The following LPCAT4 variants were observed in gnomAD, a reference collection of about 807,000 sequenced individuals.
The protein encoded by LPCAT4 is lysophospholipid acyltransferase LPCAT4.
A neutral mutation model predicts 66.5 loss-of-function variants in LPCAT4; 30 were observed. The observed-to-expected ratio is 0.45, with a 90% CI of 0.34 to 0.61. LPCAT4 has a LOEUF of 0.61. Ranked by LOEUF, LPCAT4 falls within the 20% of genes least tolerant of loss-of-function variation. LPCAT4 has a pLI of 0.01. For synonymous variants in LPCAT4, 253 were observed against 262.1 expected (o/e 0.97, Z 0.34); for missense variants, 557 against 656.7 (o/e 0.85, Z 1.66).
chr15:34,366,902 C>G lies in LPCAT4; in HGVS notation c.114+85G>C, dbSNP rs538597344. The G allele has an allele frequency of 5.3e-6, 8 of 1,518,796 alleles. No individual in the cohort carries two copies. In the African/African-American group the frequency reaches 6.9e-5, roughly 13 times the overall value. 94.1% of individuals were successfully genotyped at this position (1,518,796 alleles called of 1,614,324 possible). On this transcript the variant is annotated intron_variant, in intron 1 of 13. Coordinates refer to ENST00000314891, the MANE Select transcript of LPCAT4 (RefSeq NM_153613.3). ...TCTCAGCCATCTCCTTCTCGTGGAT[C>G]CCCAAGCCCACCTTTGCCAGGGCTC...
chr15:34,365,167 G>A lies in LPCAT4; in HGVS notation c.319C>T (p.Leu107Phe), dbSNP rs1181059289. The part of the protein sequence containing the change: ...SRLLFFLLGF[L>F]RIRVRGQRAS... ...CGCTGGCCACGAACGCGAATCCGGA[G>A]GAAGCCCAGCAGGAAAAACAGCAGG... is the stretch of plus-strand genomic sequence containing the variant. The change falls in exon 3 of 14, where the codon CTC (leucine) becomes TTC (phenylalanine). Residue 107 changes from leucine to phenylalanine, a missense_variant. Transcript: ENST00000314891. 6.2e-7 allele frequency: 1 copy of A among 1,614,154 alleles called. No homozygotes were observed. Among genetic ancestry groups the A allele is most frequent in the Non-Finnish European group, 8.5e-7 (1 of 1,179,996 alleles).
rs150351354 is a variant in LPCAT4, at chr15:34,361,026, C to T, written c.1143+374G>A. On this transcript the variant is annotated intron_variant, in intron 11 of 13. Transcript: ENST00000314891. ...TCAAGCTCTCAACCATCTAACTGTC[C>T]GGTGTTGTTTCTTCTACATGTCATC... is the stretch of plus-strand genomic sequence containing the variant. 3.3e-3 allele frequency: 764 copies of T among 231,402 alleles called. 6 individuals are homozygous for T. The highest frequency in any genetic ancestry group is 0.016 in the African/African-American group (714 of 43,422). The allele number at this position is 231,402 out of a possible 1,614,324, so 14.3% of individuals were successfully genotyped here. A position where few individuals can be genotyped will look rare whatever the true frequency, so the allele number is the denominator to read the frequency against.
At chr15:34,359,893 T>A in intron 12 of LPCAT4, 148 bp from the exon 13 acceptor site, 1 of 868,082 alleles carries the variant, frequency 1.2e-6, no homozygotes, top group Non-Finnish European at 1.8e-6. Context: ...TGCAGAACTG[T>A]AGACTTTATA....
intron 1 of LPCAT4, 69 bp downstream of exon 1, chr15:34,366,918 G>T: frequency 6.5e-7 from 1 of 1,528,260 alleles, no homozygotes; most frequent in Non-Finnish European, 8.8e-7. Flanking sequence ...GCCCACCTTT[G>T]CCAGGGCTCA....
In LPCAT4 at chr15:34,363,205, G is replaced by C. The variant is rs1053132498; in HGVS notation, c.746+217C>G. Among the ~76,000 whole-genome samples the C allele has an allele frequency of 3.3e-5, 5 of 152,316 alleles. No homozygotes were observed. Among genetic ancestry groups the C allele is most frequent in the African/African-American group, 1.2e-4 (5 of 41,568 alleles). On this transcript the variant is annotated intron_variant, in intron 7 of 13. Transcript: ENST00000314891. This position sits in a 1 kb window ranked among gnomAD's most constrained non-coding sequence, Gnocchi z 4.3. The stretch of plus-strand genomic sequence containing the variant: ...AACATGGGAAGATAAATGCATAGCA[G>C]CCATAATCACAGCAGGAACAGTTTA...
At chr15:34,359,464 T>A in intron 13 of LPCAT4, 125 bp downstream of exon 13, 1 of 1,371,710 alleles carries the variant, frequency 7.3e-7, no homozygotes, top group East Asian at 2.4e-5. Flanking sequence ...CCTCCCAGCC[T>A]TACTTCTCAT....
intron 3 of LPCAT4, 23 bp from the exon 4 acceptor site, chr15:34,364,329 G>C: frequency 6.6e-7 from 1 of 1,505,498 alleles, no homozygotes; most frequent in Non-Finnish European, 9.2e-7. Context: ...AGGATACAAA[G>C]AGGAATCACT....
Position 34,360,215 on chromosome 15 carries a change from G to A in LPCAT4, c.1144-6C>T, listed in dbSNP as rs1371434861. On this transcript the variant is annotated splice_region_variant and splice_polypyrimidine_tract_variant and intron_variant, in intron 11 of 13. Transcript: ENST00000314891. The stretch of plus-strand genomic sequence containing the variant: ...TCCACCAAACCCTTGGTATCCTGGT[G>A]TGAAAAAGAAACCAGGGCAATGCGG... 5.6e-6 allele frequency: 9 copies of A among 1,612,964 alleles called. No individual in the cohort carries two copies. Among genetic ancestry groups the A allele is most frequent in the Admixed American group, 1.7e-5 (1 of 60,006 alleles).
Position 34,362,307 on chromosome 15 carries a change from G to A in LPCAT4, c.899C>T (p.Pro300Leu). ...CCCTACAAACTCACATTCGGTGGCT[G>A]GAATGCCCAGAGCCCTACAGGATGA... is the stretch of plus-strand genomic sequence containing the variant. ...QRVMAQALGI[P>L]ATECEFVGSL... The change falls in exon 10 of 14, where the codon CCA (proline) becomes CTA (leucine). Residue 300 changes from proline (P) to leucine (L), a missense_variant. By Grantham distance (98) the Pro-to-Leu change is moderately conservative. Around this residue, in one of 4 missense-constraint regions of LPCAT4, gnomAD observed 392 missense variants for 473.9 expected, o/e 0.83. Transcript: ENST00000314891. 6.2e-7 allele frequency: 1 copy of A among 1,614,114 alleles called. No individual in the cohort carries two copies. Among genetic ancestry groups the A allele is most frequent in the Non-Finnish European group, 8.5e-7 (1 of 1,180,020 alleles).
Position 34,365,542 on chromosome 15 carries a change from G to A in LPCAT4, c.257+17C>T, listed in dbSNP as rs1891056313. 2.5e-6 allele frequency: 4 copies of A among 1,614,124 alleles called. No homozygotes were observed. The highest frequency in any genetic ancestry group is 1.1e-5 in the South Asian group (1 of 91,072). On this transcript the variant is annotated intron_variant, in intron 2 of 13. Transcript: ENST00000314891. The stretch of plus-strand genomic sequence containing the variant: ...GGGAAGAGAAGTAGGGTCTCTGGGG[G>A]CTGATCCCTCACTTACTTCCTCCAT...
At position 34,362,182 on chromosome 15, in the gene LPCAT4, C is replaced by T. The variant is rs192766062; in HGVS notation, c.1010+14G>A. On this transcript the variant is annotated intron_variant, in intron 10 of 13. Transcript: ENST00000314891. The stretch of plus-strand genomic sequence containing the variant: ...TGTGACACTGCTCATACCCTCATTT[C>T]CAAGACCACTTACCCAGCCTTCCGA... The T allele has an allele frequency of 6.9e-5, 111 of 1,612,026 alleles. No individual in the cohort carries two copies. In the African/African-American group the frequency reaches 1.3e-3, roughly 19 times the overall value.
Position 34,360,091 on chromosome 15 carries a change from C to A in LPCAT4, c.1242+20G>T. The A allele has an allele frequency of 6.5e-7, 1 of 1,549,820 alleles. No homozygotes were observed. The highest frequency in any genetic ancestry group is 8.9e-7 in the Non-Finnish European group (1 of 1,123,382). On this transcript the variant is annotated intron_variant, in intron 12 of 13. Coordinates refer to ENST00000314891, the MANE Select transcript of LPCAT4 (RefSeq NM_153613.3). ...GAGCATAGCCACTAAGCACCCCCCA[C>A]CACCGCCACCCCCCATTACCTCAAA...
In LPCAT4 at chr15:34,363,406, G is replaced by A. The variant is rs755177997; in HGVS notation, c.746+16C>T. 6.2e-7 allele frequency: 1 copy of A among 1,613,116 alleles called. No homozygotes were observed. Reference sequence around the variant, plus strand: ...CCCTGCTCCCCACCCTCACCCCCAGGAATACCAGAACTCACACTCCAGGAC... The same window carrying A: ...CCCTGCTCCCCACCCTCACCCCCAGAAATACCAGAACTCACACTCCAGGAC... On this transcript the variant is annotated intron_variant, in intron 7 of 13. Coordinates refer to ENST00000314891, the MANE Select transcript of LPCAT4 (RefSeq NM_153613.3). This position sits in a 1 kb window ranked among gnomAD's most constrained non-coding sequence, Gnocchi z 4.3.
At chr15:34,360,083 A>T in intron 12 of LPCAT4, 28 bp downstream of exon 12, 446 of 978,362 alleles carry the variant, frequency 4.6e-4, no homozygotes, top group Non-Finnish European at 6.7e-4. Context: ...GCCACTAAGC[A>T]CCCCCCACCA....
chr15:34,365,936 C>T (rs895360332), intron 1 of LPCAT4: 1 of 496,774 alleles, frequency 2.0e-6, no homozygotes, highest in Non-Finnish European at 3.6e-6. Context: ...TTCAGTTGGT[C>T]CCTACCCCAT....
At chr15:34,365,786 G>A in intron 1 of LPCAT4, 85 bp from the exon 2 acceptor site, 2 of 1,487,186 alleles carry the variant, frequency 1.3e-6, no homozygotes, top group South Asian at 1.3e-5. Context: ...ATAGACCCAG[G>A]AGCAGACAGC....
Position 34,359,711 on chromosome 15 carries a change from C to A in LPCAT4, c.1277G>T (p.Arg426Leu). Residue 426 changes from arginine (R) to leucine (L), a missense_variant, in exon 13 of 14, where the codon CGC becomes CTC. Arg to Leu is a moderately radical substitution (Grantham distance 102). This residue lies in a region of LPCAT4 where 392 missense variants were observed against 473.9 expected (regional missense o/e 0.83). Coordinates refer to ENST00000314891, the MANE Select transcript of LPCAT4 (RefSeq NM_153613.3). ...FAEEQAEGPNRLLYKDGFSTI... is the reference protein window; with the variant it reads ...FAEEQAEGPNLLLYKDGFSTI... ...GCTGAAGCCGTCTTTGTACAGCAGG[C>A]GGTTGGGACCCTCTGCTTGCTCTTC... 1 of 1,613,560 alleles carries A rather than the reference C, an allele frequency of 6.2e-7. No homozygotes were observed. Among genetic ancestry groups the A allele is most frequent in the Non-Finnish European group, 8.5e-7 (1 of 1,179,912 alleles).
intron 3 of LPCAT4, 179 bp downstream of exon 3, chr15:34,364,829 C>A (rs528453532): frequency 3.3e-6 from 2 of 604,922 alleles, no homozygotes; most frequent in East Asian, 2.8e-5. Context: ...CCTCCAACAC[C>A]TTCTCTCTGT....
chr15:34,365,203 CT>C lies in LPCAT4; in HGVS notation c.282del (p.Gly95AlafsTer2), dbSNP rs1235062478. The C allele has an allele frequency of 6.2e-7, 1 of 1,611,146 alleles. No homozygotes were observed. The highest frequency in any genetic ancestry group is 8.5e-7 in the Non-Finnish European group (1 of 1,178,896). The part of the protein sequence containing the change: ...WRKTVCHNGV[L>X]GLSRLLFFLL... ...AGGAAAAACAGCAGGCGGCTCAGGC[CT>C]AGCACCCCGTTGTGGCACACAGTCC... On this transcript the variant is annotated frameshift_variant, in exon 3 of 14. Transcript: ENST00000314891. LOFTEE classifies it high-confidence loss of function.
Sources: allele counts gnomAD v4.1 joint callset (sites outside exome capture counted in the v4.1 genomes callset), GRCh38; gene constraint gnomAD v4.1.1; regional missense constraint gnomAD v4.1.1; non-coding constraint Gnocchi (gnomAD v3.1); transcripts MANE v1.5; gene names NCBI Gene and HGNC (gene_info 2026-07-23, HGNC 2026-07-21).